ADGRB3: variants seen among roughly 807,000 people sequenced by gnomAD.
ADGRB3 encodes adhesion G protein-coupled receptor B3.
In ADGRB3, 37 loss-of-function variants were observed where a neutral mutation model predicts 193.4. That is an observed-to-expected ratio of 0.19 (90% CI 0.15 to 0.25). ADGRB3 has a LOEUF of 0.25. Ranked by LOEUF, ADGRB3 falls within the 10% of genes least tolerant of loss-of-function variation. The pLI, the probability that ADGRB3 is intolerant of heterozygous loss-of-function variation, is 1.00. For missense variants in ADGRB3, 1,637 were observed against 1,852.9 expected, an observed-to-expected ratio of 0.88 and a Z score of 2.14; for synonymous variants, 690 against 644.2, an observed-to-expected ratio of 1.07 and a Z score of -1.08.
At chr6:69,150,239 G>A (rs1774634102) in intron 17 of ADGRB3, among the ~76,000 whole-genome samples, 1 of 152,026 alleles carries the variant, frequency 6.6e-6, no homozygotes, top group Non-Finnish European at 1.5e-5. Flanking sequence ...TGTCATCAAG[G>A]AGCCAGGGCC....
intron 22 of ADGRB3, among the ~76,000 whole-genome samples, chr6:69,328,516 A>T (rs910187988): frequency 1.3e-5 from 2 of 152,184 alleles, no homozygotes; most frequent in African/African-American, 4.8e-5. Flanking sequence ...GTTTTATTTT[A>T]TCTGCATCCA....
intron 3 of ADGRB3, among the ~76,000 whole-genome samples, chr6:68,898,621 A>G (rs190927952): frequency 2.4e-4 from 37 of 152,272 alleles, no homozygotes; most frequent in Non-Finnish European, 1.2e-4. Flanking sequence ...TGGACTTCAC[A>G]TAGTGAATTT....
intron 13 of ADGRB3, among the ~76,000 whole-genome samples, chr6:69,031,080 T>C (rs530620346): frequency 1.4e-5 from 1 of 73,434 alleles, no homozygotes; most frequent in Non-Finnish European, 3.3e-5. Flanking sequence ...TCTTCTCTTC[T>C]CTTCTCTTCT....
intron 21 of ADGRB3, 76 bp downstream of exon 21, chr6:69,325,098 A>C: frequency 6.8e-7 from 1 of 1,477,786 alleles, no homozygotes; most frequent in Non-Finnish European, 9.1e-7. Context: ...GTCATGAGTG[A>C]TTAGACACAG....
chr6:69,278,468 G>A (rs777965490), intron 20 of ADGRB3, among the ~76,000 whole-genome samples: 1 of 152,074 alleles, frequency 6.6e-6, no homozygotes, highest in Non-Finnish European at 1.5e-5. Flanking sequence ...CTGTTATCTT[G>A]TACATTATTC....
At chr6:69,009,306 G>C (rs950020378) in intron 11 of ADGRB3, among the ~76,000 whole-genome samples, 1 of 152,066 alleles carries the variant, frequency 6.6e-6, no homozygotes, top group Non-Finnish European at 1.5e-5. Context: ...TGTATAACTG[G>C]GGAGGGGGGA....
At chr6:68,746,277 G>A (rs1247505973) in intron 3 of ADGRB3, among the ~76,000 whole-genome samples, 1 of 151,640 alleles carries the variant, frequency 6.6e-6, no homozygotes, top group African/African-American at 2.4e-5. Flanking sequence ...TCCTAGTGAG[G>A]TGAGAAGCTT....
At chr6:68,958,388 G>A (rs1274797280) in intron 8 of ADGRB3, among the ~76,000 whole-genome samples, 1 of 152,060 alleles carries the variant, frequency 6.6e-6, no homozygotes, top group Non-Finnish European at 1.5e-5. Flanking sequence ...TTTGCCTAGG[G>A]AGAAATTTCA....
At chr6:68,886,705 C>T (rs536687183) in intron 3 of ADGRB3, among the ~76,000 whole-genome samples, 2 of 152,132 alleles carry the variant, frequency 1.3e-5, no homozygotes, top group African/African-American at 4.8e-5. Context: ...TTAACTGTAA[C>T]ATTCAAATAG....
intron 10 of ADGRB3, among the ~76,000 whole-genome samples, chr6:68,975,833 C>A (rs1289098816): frequency 6.6e-6 from 1 of 152,086 alleles, no homozygotes; most frequent in Non-Finnish European, 1.5e-5. Context: ...TTAATTACTC[C>A]CAAAAGATTA....
intron 3 of ADGRB3, among the ~76,000 whole-genome samples, chr6:68,732,076 A>C (rs1243467147): frequency 6.6e-6 from 1 of 151,868 alleles, no homozygotes; most frequent in Non-Finnish European, 1.5e-5. Flanking sequence ...ATAATAATGA[A>C]ATAACTCCTT....
intron 17 of ADGRB3, among the ~76,000 whole-genome samples, chr6:69,151,873 T>G (rs1017928658): frequency 6.6e-6 from 1 of 152,196 alleles, no homozygotes; most frequent in African/African-American, 2.4e-5. Flanking sequence ...GGAGGTAATT[T>G]AATCCTGGGG....
At chr6:68,757,350 A>C (rs1478859538) in intron 3 of ADGRB3, among the ~76,000 whole-genome samples, 2 of 152,114 alleles carry the variant, frequency 1.3e-5, no homozygotes, top group Non-Finnish European at 2.9e-5. Flanking sequence ...CTTTGAAACG[A>C]GATTGATTTA....
At chr6:68,829,091 C>CTTTT (rs70987436) in intron 3 of ADGRB3, among the ~76,000 whole-genome samples, 2 of 94,656 alleles carry the variant, frequency 2.1e-5, no homozygotes, top group Admixed American at 1.3e-4. Flanking sequence ...GTTTAAGTAA[C>CTTTT]TTTTTTTTTT....
At chr6:69,039,729 TA>T (rs1188559859) in intron 13 of ADGRB3, among the ~76,000 whole-genome samples, 1 of 149,408 alleles carries the variant, frequency 6.7e-6, no homozygotes, top group Non-Finnish European at 1.5e-5. Flanking sequence ...GAAGATTACA[TA>T]ATTGTTTTTT....
rs1490023314 is a variant in ADGRB3 at position 68,674,142 on chromosome 6, T to A, written c.757+34710T>A. Among the ~76,000 whole-genome samples the A allele has an allele frequency of 2.0e-5, 3 of 152,088 alleles. No homozygotes were observed. In the East Asian group the frequency reaches 5.8e-4, roughly 29 times the overall value. ...CTTAAGACACTATACTAGAGGCAATTTATCTGAGGCTGTCTGAGTGGTTGG... is the reference window on the plus strand; with the variant it reads ...CTTAAGACACTATACTAGAGGCAATATATCTGAGGCTGTCTGAGTGGTTGG... On this transcript the variant is annotated intron_variant, in intron 3 of 31. Coordinates refer to ENST00000370598, the MANE Select transcript of ADGRB3 (RefSeq NM_001704.3).
intron 17 of ADGRB3, among the ~76,000 whole-genome samples, chr6:69,121,569 A>T (rs980625712): frequency 6.6e-6 from 1 of 151,672 alleles, no homozygotes; most frequent in Non-Finnish European, 1.5e-5. Flanking sequence ...TGGCAGAGGC[A>T]CACCTCACTT....
At chr6:68,919,216 A>G (rs1230746163) in intron 3 of ADGRB3, among the ~76,000 whole-genome samples, 1 of 152,202 alleles carries the variant, frequency 6.6e-6, no homozygotes, top group Non-Finnish European at 1.5e-5. Context: ...TGGGTTCAGC[A>G]CAATATTTTG....
chr6:68,916,668 A>C (rs1445578306), intron 3 of ADGRB3, among the ~76,000 whole-genome samples: 3 of 152,188 alleles, frequency 2.0e-5, no homozygotes, highest in East Asian at 1.9e-4. Context: ...AAAGGGGTGA[A>C]ATTTTAGGTT....
Sources: allele counts gnomAD v4.1 joint callset (sites outside exome capture counted in the v4.1 genomes callset), GRCh38; gene constraint gnomAD v4.1.1; transcripts MANE v1.5; gene names NCBI Gene and HGNC (gene_info 2026-07-23, HGNC 2026-07-21).